KLF12: variants seen among roughly 807,000 people sequenced by gnomAD.
The protein encoded by KLF12 is KLF transcription factor 12, also known as Krueppel-like factor 12.
In KLF12, 9 loss-of-function variants were observed where a neutral mutation model predicts 37.8. That is an observed-to-expected ratio of 0.24 (90% CI 0.14 to 0.42). The LOEUF (loss-of-function observed/expected upper bound fraction) is 0.42. Among genes scored for constraint, KLF12 ranks in the 10% least tolerant of loss-of-function variants. The probability of loss-of-function intolerance (pLI) is 1.00; values close to 1 mark genes in which losing one functional copy is unlikely to be tolerated. For missense variants in KLF12, 411 were observed against 516.0 expected (o/e 0.80, Z 1.97); for synonymous variants, 208 against 202.1 (o/e 1.03, Z -0.25).
chr13:73,711,794 A>G (rs752648829), intron 7 of KLF12, among the ~76,000 whole-genome samples: 9 of 152,158 alleles, frequency 5.9e-5, no homozygotes, highest in Non-Finnish European at 1.2e-4. Context: ...TAAGAAATAC[A>G]TTTCGTAAGA....
At chr13:73,973,098 T>C (rs1891393833) in intron 2 of KLF12, among the ~76,000 whole-genome samples, 2 of 152,126 alleles carry the variant, frequency 1.3e-5, no homozygotes, top group South Asian at 2.1e-4. Context: ...GTAAAACCCA[T>C]TTAGCTTTCT....
intron 7 of KLF12, among the ~76,000 whole-genome samples, chr13:73,711,515 A>C (rs1455544548): frequency 6.6e-6 from 1 of 152,202 alleles, no homozygotes; most frequent in African/African-American, 2.4e-5. Context: ...GCTAAATCTA[A>C]TGCTAAATCT....
chr13:74,092,306 AAAGAAG>A (rs1476243472), intron 1 of KLF12, among the ~76,000 whole-genome samples: 2 of 151,838 alleles, frequency 1.3e-5, no homozygotes, highest in Non-Finnish European at 1.5e-5. Context: ...CAAAAAAAAA[AAAGAAG>A]AGTTGGACTT....
At chr13:73,778,375 TC>T (rs1880755125) in intron 5 of KLF12, among the ~76,000 whole-genome samples, 1 of 151,966 alleles carries the variant, frequency 6.6e-6, no homozygotes, top group Non-Finnish European at 1.5e-5. Flanking sequence ...TGAGTCAGGG[TC>T]TCCCTCTGTA....
At chr13:74,123,748 T>C (rs1877773482) in intron 1 of KLF12, among the ~76,000 whole-genome samples, 1 of 152,240 alleles carries the variant, frequency 6.6e-6, no homozygotes, top group African/African-American at 2.4e-5. Flanking sequence ...ACTTCTTTTA[T>C]GTAATGTGGA....
the KLF12 span, among the ~76,000 whole-genome samples, chr13:74,280,992 A>G: frequency 6.6e-6 from 1 of 151,806 alleles, no homozygotes; most frequent in Non-Finnish European, 1.5e-5. Flanking sequence ...TGGGGTGAAA[A>G]CTATTTGTAA....
At chr13:73,777,001 A>T (rs1331280920) in intron 5 of KLF12, among the ~76,000 whole-genome samples, 6 of 152,218 alleles carry the variant, frequency 3.9e-5, no homozygotes, top group African/African-American at 1.4e-4. Context: ...AAACAACAAC[A>T]ACATAAGATT....
chr13:73,839,597 T>C (rs1367628008), intron 4 of KLF12, among the ~76,000 whole-genome samples: 2 of 152,214 alleles, frequency 1.3e-5, no homozygotes, highest in Non-Finnish European at 2.9e-5. Context: ...TAATTATCAA[T>C]GGAACTCAAA....
intron 1 of KLF12, among the ~76,000 whole-genome samples, chr13:74,114,668 G>T (rs932658750): frequency 2.0e-5 from 3 of 152,072 alleles, no homozygotes; most frequent in Non-Finnish European, 4.4e-5. Flanking sequence ...TCTGAGATAT[G>T]GCAGCATCAA....
chr13:74,039,587 A>T (rs7334781), intron 1 of KLF12, among the ~76,000 whole-genome samples: 25,042 of 152,192 alleles, frequency 0.16, 2,329 homozygotes, highest in African/African-American at 0.25. Flanking sequence ...GAAAAACATA[A>T]TTCTGTAAAA....
chr13:74,163,248 A>C, the KLF12 span, among the ~76,000 whole-genome samples: 1 of 152,226 alleles, frequency 6.6e-6, no homozygotes, highest in African/African-American at 2.4e-5. Flanking sequence ...CCCAAAAGAA[A>C]GAAAATCAGT....
At chr13:73,798,673 A>T (rs1055061629) in intron 5 of KLF12, among the ~76,000 whole-genome samples, 1 of 152,230 alleles carries the variant, frequency 6.6e-6, no homozygotes, top group Non-Finnish European at 1.5e-5. Context: ...AAAGTTCAAT[A>T]TCACTGATCA....
chr13:73,946,998 TG>T (rs1473971633), intron 2 of KLF12, among the ~76,000 whole-genome samples: 1 of 152,234 alleles, frequency 6.6e-6, no homozygotes, highest in Non-Finnish European at 1.5e-5. Flanking sequence ...TAATCTCAGA[TG>T]AATGTAGACT....
the KLF12 span, among the ~76,000 whole-genome samples, chr13:74,163,208 T>A: frequency 6.6e-6 from 1 of 152,184 alleles, no homozygotes; most frequent in African/African-American, 2.4e-5. Context: ...AGCTACCATA[T>A]GATTCAGAAA....
chr13:73,739,761 G>C (rs1877819318), intron 6 of KLF12, among the ~76,000 whole-genome samples: 3 of 152,156 alleles, frequency 2.0e-5, no homozygotes. Context: ...CATTTACATA[G>C]ACATGATGAT....
At chr13:74,160,359 A>C in the KLF12 span, among the ~76,000 whole-genome samples, 2 of 152,166 alleles carry the variant, frequency 1.3e-5, no homozygotes, top group African/African-American at 4.8e-5. Context: ...TATTCATCTT[A>C]TTTGTATCAT....
chr13:73,813,650 G>C (rs1015995342), intron 4 of KLF12, among the ~76,000 whole-genome samples: 2 of 152,178 alleles, frequency 1.3e-5, no homozygotes, highest in Non-Finnish European at 2.9e-5. Context: ...CAGAGCTCTG[G>C]CCATTTCACT....
chr13:74,202,378 T>C, the KLF12 span, among the ~76,000 whole-genome samples: 13 of 152,104 alleles, frequency 8.5e-5, no homozygotes, highest in Non-Finnish European at 1.6e-4. Flanking sequence ...CAAGGGATTG[T>C]TCAACCTTCC....
the KLF12 span, among the ~76,000 whole-genome samples, chr13:74,190,217 G>A: frequency 1.3e-5 from 2 of 151,882 alleles, no homozygotes; most frequent in Admixed American, 6.6e-5. Flanking sequence ...TTCAGCTTCC[G>A]TGACAACAAC....
Sources: gnomAD v4.1 joint callset for allele counts (sites outside exome capture counted in the v4.1 genomes callset) on GRCh38, gnomAD v4.1.1 for gene constraint, MANE v1.5 for transcripts, NCBI Gene and HGNC (gene_info 2026-07-23, HGNC 2026-07-21) for gene names.